The following CFAP61 variants were observed in gnomAD, a reference collection of about 807,000 sequenced individuals.
CFAP61 encodes cilia- and flagella-associated protein 61.
In CFAP61, 107 loss-of-function variants were observed where a neutral mutation model predicts 135.6. That is an observed-to-expected ratio of 0.79 (90% CI 0.67 to 0.93). CFAP61 has a LOEUF of 0.93. CFAP61 is among the 40% of genes least tolerant of loss of function. The probability of loss-of-function intolerance (pLI) is 0.00; values close to 1 mark genes in which losing one functional copy is unlikely to be tolerated. For synonymous variants in CFAP61, 575 were observed against 578.5 expected (o/e 0.99, Z 0.09); for missense variants, 1,507 against 1,556.2 (o/e 0.97, Z 0.53).
At chr20:20,307,355 TC>T (rs2056536616) in intron 25 of CFAP61, among the ~76,000 whole-genome samples, 1 of 152,226 alleles carries the variant, frequency 6.6e-6, no homozygotes, top group South Asian at 2.1e-4. Flanking sequence ...TGATAAATCT[TC>T]CCACATCATG....
chr20:20,143,590 T>C (rs571680573), intron 9 of CFAP61, among the ~76,000 whole-genome samples: 7 of 152,222 alleles, frequency 4.6e-5, no homozygotes, highest in Non-Finnish European at 1.0e-4. Flanking sequence ...GAAAACACTG[T>C]TCATCACTGT....
chr20:20,054,026 T>TTGTTTTG (rs2044050314), intron 1 of CFAP61, among the ~76,000 whole-genome samples: 2 of 150,184 alleles, frequency 1.3e-5, no homozygotes, highest in Non-Finnish European at 3.0e-5. Flanking sequence ...TTTTTTTTTT[T>TTGTTTTG]TTTTTTTTAG....
chr20:20,192,756 GT>G (rs1338306747), intron 15 of CFAP61, among the ~76,000 whole-genome samples: 8 of 152,002 alleles, frequency 5.3e-5, no homozygotes, highest in African/African-American at 1.9e-4. Flanking sequence ...ATTTCTACGT[GT>G]TTTGTGATTT....
At chr20:20,293,325 A>G (rs540654188) in intron 24 of CFAP61, among the ~76,000 whole-genome samples, 15 of 152,354 alleles carry the variant, frequency 9.8e-5, no homozygotes, top group African/African-American at 3.1e-4. Flanking sequence ...GGCTGGTGCT[A>G]TGACAGTATG....
At position 20,269,147 on chromosome 20, in the gene CFAP61, A is replaced by G. The variant is rs1235673231; in HGVS notation, c.2503+6017A>G. On this transcript the variant is annotated intron_variant, in intron 21 of 26. Transcript: ENST00000245957. The stretch of plus-strand genomic sequence containing the variant: ...TATATATATATATATATATATATAT[A>G]CACACACACACACACACATACATAT... Among the ~76,000 whole-genome samples the G allele has an allele frequency of 4.7e-3, 287 of 60,768 alleles. 6 individuals are homozygous for G. Among genetic ancestry groups the G allele is most frequent in the Middle Eastern group, 0.017 (1 of 58 alleles). 39.9% of individuals were successfully genotyped at this position (60,768 alleles called of 152,430 possible).
intron 7 of CFAP61, among the ~76,000 whole-genome samples, chr20:20,094,943 C>T (rs1347771369): frequency 2.0e-5 from 3 of 152,196 alleles, no homozygotes; most frequent in Admixed American, 6.5e-5. Context: ...CCAGCTTGCT[C>T]TGGCTCTCAA....
Position 20,169,312 on chromosome 20 carries a change from T to C in CFAP61, c.1246-9T>C. On this transcript the variant is annotated splice_polypyrimidine_tract_variant and intron_variant, in intron 12 of 26. Transcript: ENST00000245957. ...TCTTTCTCTGTGTCCTGGTTTTTGA[T>C]GATGTTAGGATAAGAACTTCTGTGT... The C allele has an allele frequency of 1.2e-6, 2 of 1,608,324 alleles. No individual in the cohort carries two copies. The highest frequency in any genetic ancestry group is 1.7e-6 in the Non-Finnish European group (2 of 1,176,442).
intron 25 of CFAP61, chr20:20,322,925 A>T: frequency 1.0e-6 from 1 of 985,456 alleles, no homozygotes; most frequent in Non-Finnish European, 1.2e-6. Context: ...TAGCTTATTT[A>T]TTGAATTAGA....
chr20:20,353,911 TG>T (rs1411676342), intron 26 of CFAP61, among the ~76,000 whole-genome samples: 1 of 152,236 alleles, frequency 6.6e-6, no homozygotes, highest in Non-Finnish European at 1.5e-5. Context: ...GAAAACAGTA[TG>T]GAGGTTCCTC....
intron 17 of CFAP61, among the ~76,000 whole-genome samples, chr20:20,225,104 T>C (rs1008182108): frequency 2.6e-5 from 4 of 152,062 alleles, no homozygotes; most frequent in Non-Finnish European, 5.9e-5. Context: ...AGGAAGAAAA[T>C]ATTCTGCTTT....
At chr20:20,177,684 G>C (rs1219510841) in intron 13 of CFAP61, among the ~76,000 whole-genome samples, 1 of 150,622 alleles carries the variant, frequency 6.6e-6, no homozygotes, top group Non-Finnish European at 1.5e-5. Context: ...CGGGGGGCCT[G>C]CATTCTAGAT....
At chr20:20,132,425 C>T (rs530647345) in intron 8 of CFAP61, among the ~76,000 whole-genome samples, 6 of 152,090 alleles carry the variant, frequency 3.9e-5, no homozygotes, top group Admixed American at 3.9e-4. Context: ...ATTCTTCCAA[C>T]TTTGTTAAGC....
intron 18 of CFAP61, among the ~76,000 whole-genome samples, chr20:20,235,368 C>T (rs1406669634): frequency 6.6e-6 from 1 of 152,130 alleles, no homozygotes; most frequent in African/African-American, 2.4e-5. Context: ...CACTTGGGAA[C>T]TGTTAGAAAT....
At chr20:20,191,099 G>A (rs546928006) in intron 14 of CFAP61, among the ~76,000 whole-genome samples, 81 of 152,146 alleles carry the variant, frequency 5.3e-4, no homozygotes, top group South Asian at 1.0e-3. Context: ...GGCAACAAGA[G>A]CAAAACTCCA....
intron 25 of CFAP61, among the ~76,000 whole-genome samples, chr20:20,304,163 C>G (rs1169538426): frequency 1.3e-5 from 2 of 152,014 alleles, no homozygotes; most frequent in Non-Finnish European, 2.9e-5. Flanking sequence ...TGTCTGCGGC[C>G]CAGGCTGGCT....
chr20:20,080,894 C>A (rs1390096797), intron 6 of CFAP61, among the ~76,000 whole-genome samples: 1 of 151,536 alleles, frequency 6.6e-6, no homozygotes, highest in Non-Finnish European at 1.5e-5. Context: ...CCCAGCTACT[C>A]GGGAGGCTGA....
chr20:20,055,575 T>C (rs1224676764), intron 1 of CFAP61, among the ~76,000 whole-genome samples: 1 of 152,248 alleles, frequency 6.6e-6, no homozygotes, highest in Non-Finnish European at 1.5e-5. Flanking sequence ...TTTCCCTCGC[T>C]CGCTTTCTTT....
intron 24 of CFAP61, among the ~76,000 whole-genome samples, chr20:20,291,051 C>G (rs1315138805): frequency 2.6e-5 from 4 of 152,156 alleles, no homozygotes; most frequent in Non-Finnish European, 5.9e-5. Flanking sequence ...AGCAGAGGTA[C>G]AAAGATTTCC....
chr20:20,064,746 CCAAGAG>C (rs2146550194), intron 2 of CFAP61, among the ~76,000 whole-genome samples: 1 of 152,128 alleles, frequency 6.6e-6, no homozygotes, highest in East Asian at 1.9e-4. Context: ...ACGGTATTTC[CCAAGAG>C]GTAGACCACA....
Sources: allele counts gnomAD v4.1 joint callset (sites outside exome capture counted in the v4.1 genomes callset), GRCh38; gene constraint gnomAD v4.1.1; transcripts MANE v1.5; gene names NCBI Gene and HGNC (gene_info 2026-07-23, HGNC 2026-07-21).